ANKH: variants seen among roughly 807,000 people sequenced by gnomAD.
The protein encoded by ANKH is ANKH inorganic pyrophosphate transport regulator.
ANKH carries 15 observed loss-of-function variants against 49.0 expected under a neutral mutation model. The ratio of observed to expected loss-of-function variants is 0.31; its 90% CI spans 0.20 to 0.47. The LOEUF is 0.47. Among genes scored for constraint, ANKH ranks in the 20% least tolerant of loss-of-function variants. ANKH has a pLI of 1.00. For synonymous variants in ANKH, 273 were observed against 260.0 expected, an observed-to-expected ratio of 1.05 and a Z score of -0.48; for missense variants, 429 against 652.0, an observed-to-expected ratio of 0.66 and a Z score of 3.72.
At chr5:14,848,737 CA>C (rs1003810771) in intron 1 of ANKH, among the ~76,000 whole-genome samples, 4 of 152,182 alleles carry the variant, frequency 2.6e-5, no homozygotes, top group African/African-American at 7.2e-5. Flanking sequence ...TTCCGTGACC[CA>C]CGGCTTCTAA....
chr5:14,747,859 C>T (rs1738588121), intron 6 of ANKH, among the ~76,000 whole-genome samples: 1 of 152,120 alleles, frequency 6.6e-6, no homozygotes, highest in African/African-American at 2.4e-5. Flanking sequence ...TCATCGCTCC[C>T]CAGCTGTGCG....
intron 1 of ANKH, among the ~76,000 whole-genome samples, chr5:14,784,102 G>GA (rs561339029): frequency 6.6e-6 from 1 of 152,340 alleles, no homozygotes; most frequent in East Asian, 1.9e-4. Context: ...AACATTTACA[G>GA]AACCCATGAA....
intron 8 of ANKH, 93 bp downstream of exon 8, chr5:14,741,734 T>C: frequency 1.1e-6 from 1 of 882,404 alleles, no homozygotes; most frequent in South Asian, 1.4e-5. Flanking sequence ...CACATTACAT[T>C]GTGGAAAATA....
At chr5:14,731,157 G>A (rs1162695522) in intron 8 of ANKH, among the ~76,000 whole-genome samples, 1 of 152,212 alleles carries the variant, frequency 6.6e-6, no homozygotes, top group African/African-American at 2.4e-5. Flanking sequence ...CTGGAAGGCT[G>A]TTGGCGGATG....
At chr5:14,822,530 A>G (rs904406171) in intron 1 of ANKH, among the ~76,000 whole-genome samples, 3 of 152,180 alleles carry the variant, frequency 2.0e-5, no homozygotes, top group Non-Finnish European at 4.4e-5. Flanking sequence ...TCAAATAAGG[A>G]TTCAATTCTG....
chr5:14,736,136 C>T (rs372649901), intron 8 of ANKH, among the ~76,000 whole-genome samples: 7 of 150,586 alleles, frequency 4.6e-5, no homozygotes, highest in African/African-American at 1.5e-4. Flanking sequence ...ACTGTGCCAG[C>T]GTGGCCAGGC....
chr5:14,793,035 A>AAAATATATATATATAAATATATATATAT (rs1561057858), intron 1 of ANKH, among the ~76,000 whole-genome samples: 4 of 72,256 alleles, frequency 5.5e-5, no homozygotes, highest in African/African-American at 1.2e-4. Context: ...TATATATATA[A>AAAATATATATATATAAATATATATATAT]AAATATATAT....
intron 1 of ANKH, among the ~76,000 whole-genome samples, chr5:14,827,532 G>C (rs984740547): frequency 6.6e-6 from 1 of 152,204 alleles, no homozygotes; most frequent in Non-Finnish European, 1.5e-5. Flanking sequence ...TTGAGAAGAA[G>C]GCTGTGGCTG....
chr5:14,778,466 G>A (rs1171336842), intron 1 of ANKH, among the ~76,000 whole-genome samples: 8 of 152,012 alleles, frequency 5.3e-5, no homozygotes, highest in Non-Finnish European at 7.4e-5. Context: ...CCTCCTCCGC[G>A]CCAGTGACCT....
At chr5:14,793,022 A>C (rs1404201804) in intron 1 of ANKH, among the ~76,000 whole-genome samples, 2 of 23,304 alleles carry the variant, frequency 8.6e-5, no homozygotes, top group Non-Finnish European at 1.9e-4. Context: ...ATATATATAA[A>C]TATATATATA....
At chr5:14,843,637 C>A (rs1016787645) in intron 1 of ANKH, among the ~76,000 whole-genome samples, 1 of 150,900 alleles carries the variant, frequency 6.6e-6, no homozygotes, top group Non-Finnish European at 1.5e-5. Flanking sequence ...CTAACAGACC[C>A]TGGTCAGAAT....
chr5:14,856,326 T>C (rs1252598132), intron 1 of ANKH, among the ~76,000 whole-genome samples: 1 of 152,168 alleles, frequency 6.6e-6, no homozygotes, highest in East Asian at 1.9e-4. Context: ...AATACTATCA[T>C]ACATACATGC....
rs376537718 is a variant in ANKH, at chr5:14,711,091, A to G, written c.*106T>C. On this transcript the variant is annotated 3_prime_UTR_variant, in exon 12 of 12. Transcript: ENST00000284268. ...TAAATCAAGGCCTCTTTCATTACCA[A>G]AACAAAACAAAAAAAAGGGAACAAA... 2 of 1,068,070 alleles carry G rather than the reference A, an allele frequency of 1.9e-6. No individual in the cohort carries two copies. The highest frequency in any genetic ancestry group is 4.7e-5 in the East Asian group (2 of 42,374). 66.2% of individuals were successfully genotyped at this position (1,068,070 alleles called of 1,614,324 possible). A position where few individuals can be genotyped will look rare whatever the true frequency, so the allele number is the denominator to read the frequency against.
chr5:14,763,956 G>A (rs972494456), intron 2 of ANKH, among the ~76,000 whole-genome samples: 1 of 152,152 alleles, frequency 6.6e-6, no homozygotes, highest in African/African-American at 2.4e-5. Context: ...GGGTGAGGTG[G>A]CAGGTGCCTG....
intron 1 of ANKH, among the ~76,000 whole-genome samples, chr5:14,840,955 G>C (rs552710240): frequency 1.6e-4 from 25 of 152,164 alleles, no homozygotes; most frequent in Non-Finnish European, 3.2e-4. Context: ...TATGCCATTT[G>C]GTTTTTTATA....
At position 14,737,747 on chromosome 5, in the gene ANKH, C is replaced by T. The variant is rs568602740; in HGVS notation, c.1011+4080G>A. Among the ~76,000 whole-genome samples, 12 of 152,250 alleles carry T rather than the reference C, an allele frequency of 7.9e-5. No individual in the cohort carries two copies. Among genetic ancestry groups the T allele is most frequent in the Non-Finnish European group, 1.5e-4 (10 of 68,042 alleles). ...TTTTGAAATGTGCTTCCCTTCACCCCAAACAGCTGCTTGTCAGTCAGCAGG... is the reference window on the plus strand; with the variant it reads ...TTTTGAAATGTGCTTCCCTTCACCCTAAACAGCTGCTTGTCAGTCAGCAGG... On this transcript the variant is annotated intron_variant, in intron 8 of 11. Coordinates refer to ENST00000284268, the MANE Select transcript of ANKH (RefSeq NM_054027.6). The surrounding 1 kb of genome is among the most constrained non-coding windows in gnomAD (Gnocchi z 5.0).
chr5:14,841,486 G>C (rs1454741676), intron 1 of ANKH, among the ~76,000 whole-genome samples: 1 of 152,024 alleles, frequency 6.6e-6, no homozygotes, highest in Non-Finnish European at 1.5e-5. Context: ...TGGTAGAGAT[G>C]GGATTTTGCC....
At chr5:14,798,416 C>T (rs781119193) in intron 1 of ANKH, 49 of 1,551,066 alleles carry the variant, frequency 3.2e-5, no homozygotes, top group African/African-American at 1.2e-4. Context: ...GCAGGCGAGC[C>T]GGGGGAATCC....
At chr5:14,726,870 A>G (rs1737838356) in intron 8 of ANKH, among the ~76,000 whole-genome samples, 1 of 152,226 alleles carries the variant, frequency 6.6e-6, no homozygotes, top group South Asian at 2.1e-4. Context: ...TGCCAGAAGG[A>G]ATGGGCTCTT....
Sources: allele counts gnomAD v4.1 joint callset (sites outside exome capture counted in the v4.1 genomes callset), GRCh38; gene constraint gnomAD v4.1.1; non-coding constraint Gnocchi (gnomAD v3.1); transcripts MANE v1.5; gene names NCBI Gene and HGNC (gene_info 2026-07-23, HGNC 2026-07-21).